The following VWF variants were observed in gnomAD, a reference collection of about 807,000 sequenced individuals.
VWF encodes the protein Factor VIII related antigen.
VWF carries 176 observed loss-of-function variants against 308.6 expected under a neutral mutation model. The ratio of observed to expected loss-of-function variants is 0.57; its 90% CI spans 0.50 to 0.65. The LOEUF (loss-of-function observed/expected upper bound fraction) is 0.65. Among genes scored for constraint, VWF ranks in the 30% least tolerant of loss-of-function variants. The probability of loss-of-function intolerance (pLI) is 0.00; values close to 1 mark genes in which losing one functional copy is unlikely to be tolerated. For synonymous variants in VWF, 1,385 were observed against 1,443.4 expected (o/e 0.96, Z 0.92); for missense variants, 3,146 against 3,648.2 (o/e 0.86, Z 3.55).
intron 6 of VWF, among the ~76,000 whole-genome samples, chr12:6,087,254 G>A (rs527654517): frequency 9.2e-5 from 14 of 151,836 alleles, no homozygotes; most frequent in African/African-American, 3.4e-4. Flanking sequence ...GGCATACAAT[G>A]AAAGAAGGAA....
At position 5,949,886 on chromosome 12, in the gene VWF, A is replaced by G. The variant is rs1383868147; in HGVS notation, c.8156-3T>C. ...GTCGTTGCACTCAGGCTCCTCACCT[A>G]CAGGACAGGTGAGAGATGAAACTTG... On this transcript the variant is annotated splice_region_variant and splice_polypyrimidine_tract_variant and intron_variant, in intron 50 of 51. Coordinates refer to ENST00000261405, the MANE Select transcript of VWF (RefSeq NM_000552.5). 8.7e-6 allele frequency: 14 copies of G among 1,612,252 alleles called. No individual in the cohort carries two copies. The highest frequency in any genetic ancestry group is 8.5e-6 in the Non-Finnish European group (10 of 1,179,384).
intron 44 of VWF, among the ~76,000 whole-genome samples, chr12:5,971,255 G>T (rs1943469800): frequency 6.6e-6 from 1 of 152,250 alleles, no homozygotes; most frequent in African/African-American, 2.4e-5. Flanking sequence ...ATGTGGTCCA[G>T]AACAGTACTT....
At chr12:6,021,782 T>C in intron 27 of VWF, 118 bp downstream of exon 27, 1 of 1,172,212 alleles carries the variant, frequency 8.5e-7, no homozygotes. Flanking sequence ...ACAAATAAAA[T>C]AAACTCAGTC....
At chr12:5,958,001 GTTATA>G (rs1379102978) in intron 47 of VWF, among the ~76,000 whole-genome samples, 3 of 151,918 alleles carry the variant, frequency 2.0e-5, no homozygotes, top group African/African-American at 7.3e-5. Context: ...TACATGAAAT[GTTATA>G]TTATTCAATC....
chr12:6,055,578 G>A (rs1944567636), intron 15 of VWF, among the ~76,000 whole-genome samples: 1 of 151,966 alleles, frequency 6.6e-6, no homozygotes. Context: ...TGTTGTCTCT[G>A]CTCCTCTTTC....
chr12:5,997,246 C>T (rs987090455), intron 34 of VWF, among the ~76,000 whole-genome samples: 3 of 152,178 alleles, frequency 2.0e-5, no homozygotes, highest in Admixed American at 6.5e-5. Flanking sequence ...TTCCAAGTGA[C>T]AGTACTGAAT....
intron 5 of VWF, among the ~76,000 whole-genome samples, chr12:6,106,935 A>G (rs999582971): frequency 1.3e-5 from 2 of 152,106 alleles, no homozygotes; most frequent in Non-Finnish European, 2.9e-5. Flanking sequence ...TCATAGCACA[A>G]TAAAAAATGC....
intron 10 of VWF, among the ~76,000 whole-genome samples, chr12:6,068,866 G>A (rs1169633260): frequency 2.3e-5 from 3 of 128,530 alleles, no homozygotes; most frequent in Non-Finnish European, 4.8e-5. Context: ...GTGTGTGTGT[G>A]TATGTGTGTG....
Position 5,991,690 on chromosome 12 carries a change from T to C in VWF, c.6798+129A>G, listed in dbSNP as rs951634420. ...GCCATTACACAATACTGCCTCCCTA[T>C]CCCTAATGATCCCCGTAAGAGTCAA... On this transcript the variant is annotated intron_variant, in intron 38 of 51. Transcript: ENST00000261405. The C allele has an allele frequency of 3.2e-5, 30 of 946,570 alleles. No homozygotes were observed. In the East Asian group the frequency reaches 6.0e-4, roughly 19 times the overall value. 58.6% of individuals were successfully genotyped at this position (946,570 alleles called of 1,614,324 possible).
intron 35 of VWF, among the ~76,000 whole-genome samples, chr12:5,995,313 T>C (rs376322275): frequency 1.3e-5 from 2 of 152,334 alleles, no homozygotes; most frequent in East Asian, 3.9e-4. Flanking sequence ...TGTAAAATTT[T>C]TGGAAGGATT....
In VWF at chr12:6,110,189, G is replaced by C. The variant is rs367958379; in HGVS notation, c.532+185C>G. Among the ~76,000 whole-genome samples the C allele has an allele frequency of 4.3e-4, 66 of 152,282 alleles. 1 individual carries two copies. The highest frequency in any genetic ancestry group is 3.4e-3 in the Middle Eastern group (1 of 294). On this transcript the variant is annotated intron_variant, in intron 5 of 51. Coordinates refer to ENST00000261405, the MANE Select transcript of VWF (RefSeq NM_000552.5). ...CGAAGTCAGCTTTGAGGAGCTCTAA[G>C]ACCTGGTTTCACTAGAGGTCTAGGC... is the stretch of plus-strand genomic sequence containing the variant.
At chr12:6,085,061 G>A (rs1276168538) in intron 6 of VWF, among the ~76,000 whole-genome samples, 1 of 152,142 alleles carries the variant, frequency 6.6e-6, no homozygotes, top group Non-Finnish European at 1.5e-5. Context: ...TGAGAAGTAG[G>A]AGACTTGGCC....
chr12:6,063,283 C>T lies in VWF; in HGVS notation c.1433-229G>A, dbSNP rs1232618793. Among the ~76,000 whole-genome samples, 1 of 152,130 alleles carries T rather than the reference C, an allele frequency of 6.6e-6. No individual in the cohort carries two copies. Among genetic ancestry groups the T allele is most frequent in the African/African-American group, 2.4e-5 (1 of 41,402 alleles). On this transcript the variant is annotated intron_variant, in intron 12 of 51. Transcript: ENST00000261405. This position sits in a 1 kb window ranked among gnomAD's most constrained non-coding sequence, Gnocchi z 4.9. ...CCCCAGGAAGAAGCCTCTGCACCCC[C>T]CGCTATGACCTGCCATTCCCCCTAC...
At position 6,073,654 on chromosome 12, in the gene VWF, C is replaced by T. The variant is rs766016814; in HGVS notation, c.962G>A (p.Cys321Tyr). Residue 321 changes from cysteine (C) to tyrosine (Y), a missense_variant, in exon 8 of 52, where the codon TGT (cysteine) becomes TAT (tyrosine). Coordinates refer to ENST00000261405, the MANE Select transcript of VWF (RefSeq NM_000552.5). ...TCQSLHINEMCQERCVDGCSC... is the reference protein window; with the variant it reads ...TCQSLHINEMYQERCVDGCSC... ...GCAGCCATCCACGCATCGCTCCTGA[C>T]ACATTTCATTGATGTGCAGGCTCTG... The T allele has an allele frequency of 7.1e-5, 115 of 1,614,038 alleles. No homozygotes were observed. Among genetic ancestry groups the T allele is most frequent in the Non-Finnish European group, 9.6e-5 (113 of 1,180,042 alleles).
chr12:5,969,238 A>T lies in VWF; in HGVS notation c.7702T>A (p.Ser2568Thr). 1 of 1,614,026 alleles carries T rather than the reference A, an allele frequency of 6.2e-7. No individual in the cohort carries two copies. The change falls in exon 45 of 52, where the codon TCA (serine) becomes ACA (threonine). Residue 2568 changes from serine (S) to threonine (T), a missense_variant. Around this residue, in one of 3 missense-constraint regions of VWF, gnomAD observed 989 missense variants for 1,117.4 expected, o/e 0.89. Coordinates refer to ENST00000261405, the MANE Select transcript of VWF (RefSeq NM_000552.5). ...CAGCGACAGCTTGGGCAGCACGCTGAGGTCTTACAGCTCAGCTGAAAGCCC... is the reference window on the plus strand; with the variant it reads ...CAGCGACAGCTTGGGCAGCACGCTGTGGTCTTACAGCTCAGCTGAAAGCCC... Reference protein sequence around the residue: ...PSGFQLSCKTSACCPSCRCER... With the variant: ...PSGFQLSCKTTACCPSCRCER...
At chr12:5,984,033 C>T (rs74980505) in intron 40 of VWF, among the ~76,000 whole-genome samples, 11,427 of 146,992 alleles carry the variant, frequency 0.078, 629 homozygotes, top group East Asian at 0.25. Flanking sequence ...GACAGACAGA[C>T]AGACAGATAG....
chr12:6,078,396 G>A (rs1460939511), intron 6 of VWF, among the ~76,000 whole-genome samples: 34 of 152,316 alleles, frequency 2.2e-4, no homozygotes, highest in Admixed American at 2.2e-3. Flanking sequence ...GCTCAGGGAA[G>A]GAGACTGAGG....
rs1012268156 is a variant in VWF, at chr12:5,993,678, T to C, written c.6598+184A>G. Among the ~76,000 whole-genome samples the C allele has an allele frequency of 1.3e-4, 18 of 142,642 alleles. No individual in the cohort carries two copies. The East Asian group carries it at 2.0e-3, about 15-fold the overall frequency. 93.6% of individuals were successfully genotyped at this position (142,642 alleles called of 152,430 possible). A position where few individuals can be genotyped will look rare whatever the true frequency, so the allele number is the denominator to read the frequency against. On this transcript the variant is annotated intron_variant, in intron 37 of 51. Coordinates refer to ENST00000261405, the MANE Select transcript of VWF (RefSeq NM_000552.5). ...ATATATATATATACACACACACACA[T>C]ATACATATATGTATATGTATATATA...
chr12:6,092,624 T>TGAGTGAGTGAGAGAGAGAGAGAGAGA (rs1180180618), intron 6 of VWF, among the ~76,000 whole-genome samples: 1 of 87,014 alleles, frequency 1.1e-5, no homozygotes, highest in South Asian at 3.4e-4. Context: ...TGAGAGTGTG[T>TGAGTGAGTGAGAGAGAGAGAGAGAGA]GTGTGTGTGT....
Sources: allele counts gnomAD v4.1 joint callset (sites outside exome capture counted in the v4.1 genomes callset), GRCh38; gene constraint gnomAD v4.1.1; regional missense constraint gnomAD v4.1.1; non-coding constraint Gnocchi (gnomAD v3.1); transcripts MANE v1.5; gene names NCBI Gene and HGNC (gene_info 2026-07-23, HGNC 2026-07-21).